The following PIK3C2G variants were observed in gnomAD, a reference collection of about 807,000 sequenced individuals.
PIK3C2G encodes the protein phosphatidylinositol 3-kinase C2 domain-containing subunit gamma.
A neutral mutation model predicts 181.1 loss-of-function variants in PIK3C2G; 168 were observed. The observed-to-expected ratio is 0.93, with a 90% CI of 0.82 to 1.05. PIK3C2G has a LOEUF of 1.05. PIK3C2G is among the 50% of genes least tolerant of loss of function. The pLI is 0.00. For missense variants in PIK3C2G, 1,869 were observed against 1,732.8 expected, an observed-to-expected ratio of 1.08 and a Z score of -1.40; for synonymous variants, 573 against 592.2, an observed-to-expected ratio of 0.97 and a Z score of 0.47.
chr12:18,277,161 T>G (rs1266504664), intron 1 of PIK3C2G, among the ~76,000 whole-genome samples: 1 of 152,198 alleles, frequency 6.6e-6, no homozygotes, highest in Non-Finnish European at 1.5e-5. Context: ...TATCTATCTA[T>G]CTACCTATCT....
chr12:18,513,552 A>G (rs185717653), intron 24 of PIK3C2G, among the ~76,000 whole-genome samples: 1 of 151,644 alleles, frequency 6.6e-6, no homozygotes, highest in Non-Finnish European at 1.5e-5. Flanking sequence ...AATTTATCCA[A>G]TTCTTCAAGG....
At chr12:18,560,927 C>CTATG (rs1213793802) in intron 26 of PIK3C2G, among the ~76,000 whole-genome samples, 1 of 152,070 alleles carries the variant, frequency 6.6e-6, no homozygotes, top group African/African-American at 2.4e-5. Flanking sequence ...AAACAATTTA[C>CTATG]TATGTCATCA....
At chr12:18,671,250 G>A in the PIK3C2G span, among the ~76,000 whole-genome samples, 1 of 151,606 alleles carries the variant, frequency 6.6e-6, no homozygotes, top group African/African-American at 2.4e-5. Flanking sequence ...TTATTATGAG[G>A]ATCAAACTAA....
chr12:18,629,732 G>T (rs1421928020), intron 31 of PIK3C2G, among the ~76,000 whole-genome samples: 1 of 152,100 alleles, frequency 6.6e-6, no homozygotes, highest in Non-Finnish European at 1.5e-5. Context: ...AAATCCAAAT[G>T]ATGTGCAGGA....
chr12:18,698,855 C>G, the PIK3C2G span, among the ~76,000 whole-genome samples: 1 of 152,082 alleles, frequency 6.6e-6, no homozygotes, highest in Non-Finnish European at 1.5e-5. Context: ...GTTGCACTAT[C>G]AAATACTATG....
intron 18 of PIK3C2G, among the ~76,000 whole-genome samples, chr12:18,429,332 C>A (rs929470474): frequency 6.6e-6 from 1 of 152,112 alleles, no homozygotes; most frequent in African/African-American, 2.4e-5. Flanking sequence ...CTTCTGGCCT[C>A]CAGAACTGTG....
At chr12:18,707,283 G>A in the PIK3C2G span, among the ~76,000 whole-genome samples, 8 of 152,140 alleles carry the variant, frequency 5.3e-5, no homozygotes, top group Admixed American at 5.2e-4. Flanking sequence ...GAATTAGAGT[G>A]AGTCCACTGA....
chr12:18,546,393 C>A lies in PIK3C2G; in HGVS notation c.3551C>A (p.Pro1184Gln), dbSNP rs755270470. ...DLKYVYNNLR[P>Q]QDTDLEATSH... ...AAATATGTGTATAATAATCTTCGTC[C>A]ACAAGACACAGACCTGGAAGCAACA... The change falls in exon 26 of 33, where the codon CCA becomes CAA. Residue 1184 changes from proline to glutamine, a missense_variant. Transcript: ENST00000538779. The A allele has an allele frequency of 3.1e-6, 5 of 1,599,954 alleles. No homozygotes were observed. Among genetic ancestry groups the A allele is most frequent in the Non-Finnish European group, 3.4e-6 (4 of 1,172,110 alleles).
intron 29 of PIK3C2G, among the ~76,000 whole-genome samples, chr12:18,572,523 T>C (rs1156366640): frequency 1.3e-5 from 2 of 151,340 alleles, no homozygotes; most frequent in Non-Finnish European, 3.0e-5. Flanking sequence ...ACATATCTGG[T>C]TTTGTTTTTT....
upstream of PIK3C2G, among the ~76,000 whole-genome samples, chr12:18,243,205 T>C (rs1948003388): frequency 6.6e-6 from 1 of 151,674 alleles, no homozygotes; most frequent in Admixed American, 6.6e-5. Context: ...TGTGTGTGTG[T>C]GTGTGTGTGT....
chr12:18,554,147 C>T (rs1411802027), intron 26 of PIK3C2G, among the ~76,000 whole-genome samples: 1 of 151,998 alleles, frequency 6.6e-6, no homozygotes, highest in Admixed American at 6.6e-5. Context: ...CATGGGTAGA[C>T]CTAGTGAGTA....
At chr12:18,454,273 C>T (rs528438815) in intron 18 of PIK3C2G, among the ~76,000 whole-genome samples, 2 of 152,244 alleles carry the variant, frequency 1.3e-5, no homozygotes, top group Admixed American at 1.3e-4. Context: ...AAAATATTCT[C>T]TCATGAGAAA....
intron 7 of PIK3C2G, among the ~76,000 whole-genome samples, chr12:18,322,318 G>T (rs918602491): frequency 6.6e-6 from 1 of 151,304 alleles, no homozygotes; most frequent in Non-Finnish European, 1.5e-5. Context: ...GGATGTGGAG[G>T]TTGCAGTAAG....
At chr12:18,650,738 A>G (rs868388683), downstream of PIK3C2G, among the ~76,000 whole-genome samples, 73 of 30,808 alleles carry the variant, frequency 2.4e-3, no homozygotes, top group African/African-American at 7.4e-3. Flanking sequence ...ATATATATAT[A>G]TATATATATA....
intron 5 of PIK3C2G, among the ~76,000 whole-genome samples, chr12:18,303,628 T>G (rs1256936517): frequency 1.3e-5 from 2 of 152,116 alleles, no homozygotes; most frequent in African/African-American, 4.8e-5. Flanking sequence ...ACACCCAGCC[T>G]AAGTAATTTC....
chr12:18,380,216 C>T (rs958374478), intron 13 of PIK3C2G, among the ~76,000 whole-genome samples: 4 of 152,200 alleles, frequency 2.6e-5, no homozygotes, highest in African/African-American at 9.6e-5. Flanking sequence ...GTCCTTCTTT[C>T]TCTGCCTTCT....
chr12:18,613,652 T>G (rs1449374396), intron 31 of PIK3C2G, among the ~76,000 whole-genome samples: 1 of 152,114 alleles, frequency 6.6e-6, no homozygotes, highest in Non-Finnish European at 1.5e-5. Flanking sequence ...TACAGGCATC[T>G]CTTGGTCCCA....
At chr12:18,358,829 C>T (rs932123671) in intron 11 of PIK3C2G, 53 of 202,542 alleles carry the variant, frequency 2.6e-4, no homozygotes, top group Admixed American at 2.2e-4. Context: ...ATACTCTCTG[C>T]AGAGTTGATG....
intron 12 of PIK3C2G, among the ~76,000 whole-genome samples, chr12:18,369,212 C>T (rs1337026475): frequency 6.6e-6 from 1 of 152,176 alleles, no homozygotes; most frequent in Non-Finnish European, 1.5e-5. Flanking sequence ...CTTTATCCTT[C>T]CCATTCATCT....
Sources: allele counts gnomAD v4.1 joint callset (sites outside exome capture counted in the v4.1 genomes callset), GRCh38; gene constraint gnomAD v4.1.1; transcripts MANE v1.5; gene names NCBI Gene and HGNC (gene_info 2026-07-23, HGNC 2026-07-21).